Variants in SORCS3 observed in about 807,000 individuals in gnomAD.
SORCS3 encodes the protein VPS10 domain-containing receptor SorCS3.
SORCS3 carries 57 observed loss-of-function variants against 146.3 expected under a neutral mutation model. That is an observed-to-expected ratio of 0.39 (90% CI 0.31 to 0.49). The LOEUF (loss-of-function observed/expected upper bound fraction) is 0.49. Among genes scored for constraint, SORCS3 ranks in the 20% least tolerant of loss-of-function variants. The pLI is 0.92. For synonymous variants in SORCS3, 653 were observed against 618.5 expected (o/e 1.06, Z -0.83); for missense variants, 1,341 against 1,575.5 (o/e 0.85, Z 2.52).
chr10:104,752,107 T>C (rs1244587786), intron 1 of SORCS3, among the ~76,000 whole-genome samples: 2 of 151,012 alleles, frequency 1.3e-5, no homozygotes, highest in Admixed American at 6.6e-5. Context: ...CGATCTCAGC[T>C]CACTGTAACC....
At chr10:105,017,732 C>G (rs537963163) in intron 4 of SORCS3, among the ~76,000 whole-genome samples, 15 of 152,164 alleles carry the variant, frequency 9.9e-5, no homozygotes, top group Non-Finnish European at 1.5e-4. Flanking sequence ...CACTCCTTAT[C>G]CCTTAAACTT....
chr10:105,085,962 CCTCT>C (rs1170358340), intron 5 of SORCS3, among the ~76,000 whole-genome samples: 4 of 152,190 alleles, frequency 2.6e-5, no homozygotes, highest in East Asian at 1.9e-4. Context: ...CATATTACCA[CCTCT>C]CTCTCTATTT....
chr10:105,234,230 G>A (rs1490392699), intron 20 of SORCS3, among the ~76,000 whole-genome samples: 2 of 151,986 alleles, frequency 1.3e-5, no homozygotes, highest in African/African-American at 2.4e-5. Flanking sequence ...GGTTTCTGGG[G>A]AGAAGTTGGA....
chr10:105,131,043 C>T lies in SORCS3; in HGVS notation c.1213-8354C>T, dbSNP rs116231467. Among the ~76,000 whole-genome samples the T allele has an allele frequency of 9.3e-3, 1,409 of 152,204 alleles. 17 individuals carry two copies. The highest frequency in any genetic ancestry group is 0.032 in the African/African-American group (1,322 of 41,534). On this transcript the variant is annotated intron_variant, in intron 7 of 26. Transcript: ENST00000369701. Reference sequence around the variant, plus strand: ...GCCAGACTGACATGTATAGCAACTTCCTGATGAAACTTGTAGCTGTTTATA... The same window carrying T: ...GCCAGACTGACATGTATAGCAACTTTCTGATGAAACTTGTAGCTGTTTATA...
chr10:105,034,142 G>T (rs749540852), intron 4 of SORCS3, among the ~76,000 whole-genome samples: 1 of 152,082 alleles, frequency 6.6e-6, no homozygotes, highest in Non-Finnish European at 1.5e-5. Flanking sequence ...ATAAGAGAAC[G>T]GAGAGCCGTG....
At chr10:104,833,382 C>T (rs1405310981) in intron 1 of SORCS3, among the ~76,000 whole-genome samples, 1 of 152,150 alleles carries the variant, frequency 6.6e-6, no homozygotes, top group Non-Finnish European at 1.5e-5. Flanking sequence ...ATTTCCACAT[C>T]AGCCTTGGTG....
At chr10:105,130,593 C>G (rs960628432) in intron 7 of SORCS3, among the ~76,000 whole-genome samples, 6 of 152,174 alleles carry the variant, frequency 3.9e-5, no homozygotes, top group African/African-American at 1.2e-4. Context: ...TACACACACA[C>G]ACCCAGAGCA....
At chr10:104,724,430 T>C (rs1164036176) in intron 1 of SORCS3, among the ~76,000 whole-genome samples, 5 of 152,200 alleles carry the variant, frequency 3.3e-5, no homozygotes, top group Non-Finnish European at 5.9e-5. Context: ...ATTTCAACTT[T>C]GGTGAATCTG....
At chr10:105,168,806 A>G (rs58778955) in intron 13 of SORCS3, among the ~76,000 whole-genome samples, 416 of 152,320 alleles carry the variant, frequency 2.7e-3, no homozygotes, top group African/African-American at 9.5e-3. Flanking sequence ...AACCTAGCTT[A>G]TAGTGAAATA....
chr10:105,223,375 C>A, intron 20 of SORCS3, 126 bp downstream of exon 20: 2 of 928,368 alleles, frequency 2.2e-6, no homozygotes, highest in Non-Finnish European at 3.0e-6. Context: ...AACCTATGAG[C>A]CCACAAAATT....
intron 7 of SORCS3, among the ~76,000 whole-genome samples, chr10:105,132,585 C>T (rs1257971972): frequency 6.6e-6 from 1 of 152,044 alleles, no homozygotes; most frequent in African/African-American, 2.4e-5. Context: ...AGCCATCATC[C>T]AGAAACAAGG....
At chr10:105,043,182 G>A (rs1454041164) in intron 5 of SORCS3, 54 bp downstream of exon 5, 15 of 1,490,474 alleles carry the variant, frequency 1.0e-5, no homozygotes, top group African/African-American at 2.8e-5. Context: ...ATCAAACAGC[G>A]TAGCACTCTA....
At chr10:105,261,431 CTGG>C (rs1356991579) in intron 25 of SORCS3, among the ~76,000 whole-genome samples, 5 of 152,196 alleles carry the variant, frequency 3.3e-5, no homozygotes, top group African/African-American at 1.2e-4. Context: ...TCAGCATCAC[CTGG>C]GAGCTTGGCA....
At chr10:105,222,903 C>T (rs529708393) in intron 19 of SORCS3, among the ~76,000 whole-genome samples, 2 of 152,316 alleles carry the variant, frequency 1.3e-5, no homozygotes, top group East Asian at 3.9e-4. Flanking sequence ...AGTTCAGATG[C>T]CACTCAAAAA....
chr10:104,941,847 G>A (rs947315616), intron 3 of SORCS3, among the ~76,000 whole-genome samples: 1 of 152,146 alleles, frequency 6.6e-6, no homozygotes, highest in African/African-American at 2.4e-5. Flanking sequence ...CCCCACTAGG[G>A]GAAAGAGTCC....
At chr10:105,058,474 G>C (rs1330729516) in intron 5 of SORCS3, among the ~76,000 whole-genome samples, 1 of 152,168 alleles carries the variant, frequency 6.6e-6, no homozygotes, top group Non-Finnish European at 1.5e-5. Context: ...TTTAAAGAAA[G>C]GGAAATTTAG....
At chr10:104,664,727 C>G (rs1453321093) in intron 1 of SORCS3, 1 of 152,158 alleles carries the variant, frequency 6.6e-6, no homozygotes, top group African/African-American at 2.4e-5. Context: ...ATTGCAGATG[C>G]TAGGGGCGTG....
intron 9 of SORCS3, among the ~76,000 whole-genome samples, chr10:105,151,556 C>G (rs1474965754): frequency 6.6e-6 from 1 of 151,998 alleles, no homozygotes; most frequent in Non-Finnish European, 1.5e-5. Context: ...CTGACCTTGC[C>G]CACTTAAGCC....
chr10:105,102,918 T>C (rs1454668052), intron 6 of SORCS3, among the ~76,000 whole-genome samples: 3 of 150,902 alleles, frequency 2.0e-5, no homozygotes, highest in African/African-American at 7.3e-5. Flanking sequence ...GCCTCCCGAG[T>C]AGCTGGGATT....
Sources: allele counts gnomAD v4.1 joint callset (sites outside exome capture counted in the v4.1 genomes callset), GRCh38; gene constraint gnomAD v4.1.1; transcripts MANE v1.5; gene names NCBI Gene and HGNC (gene_info 2026-07-23, HGNC 2026-07-21).